RFX3: variants seen among roughly 807,000 people sequenced by gnomAD.
RFX3 encodes regulatory factor X3.
A neutral mutation model predicts 98.6 loss-of-function variants in RFX3; 14 were observed. That is an observed-to-expected ratio of 0.14 (90% CI 0.09 to 0.22). RFX3 has a LOEUF of 0.22. RFX3 is among the 10% of genes least tolerant of loss of function. RFX3 has a pLI of 1.00. For missense variants in RFX3, 639 were observed against 926.9 expected (o/e 0.69, Z 4.03); for synonymous variants, 383 against 328.4 (o/e 1.17, Z -1.80).
At chr9:3,505,102 T>G (rs1816798275) in intron 1 of RFX3, among the ~76,000 whole-genome samples, 1 of 97,518 alleles carries the variant, frequency 1.0e-5, no homozygotes, top group South Asian at 3.4e-4. Context: ...TATATTTAGA[T>G]TTATTTTATA....
chr9:3,299,422 C>T (rs1828379116), intron 5 of RFX3, among the ~76,000 whole-genome samples: 1 of 151,680 alleles, frequency 6.6e-6, no homozygotes, highest in Non-Finnish European at 1.5e-5. Context: ...CCTTTCTCCA[C>T]TGTTTATAAA....
At chr9:3,370,853 T>C (rs1837762314) in intron 2 of RFX3, among the ~76,000 whole-genome samples, 1 of 152,142 alleles carries the variant, frequency 6.6e-6, no homozygotes, top group Admixed American at 6.5e-5. Flanking sequence ...GTCTATGATG[T>C]GGGGTGTTTC....
At chr9:3,419,117 G>A (rs1163903075) in intron 1 of RFX3, among the ~76,000 whole-genome samples, 1 of 152,066 alleles carries the variant, frequency 6.6e-6, no homozygotes, top group African/African-American at 2.4e-5. Flanking sequence ...CAGCAGTATA[G>A]CACTGGAACA....
chr9:3,244,860 C>T (rs545785420), intron 15 of RFX3, among the ~76,000 whole-genome samples: 16 of 152,294 alleles, frequency 1.1e-4, no homozygotes, highest in African/African-American at 3.8e-4. Flanking sequence ...TCCTCGAAGG[C>T]TGGGTAAAAA....
chr9:3,311,306 T>G (rs1829931463), intron 4 of RFX3, among the ~76,000 whole-genome samples: 1 of 152,212 alleles, frequency 6.6e-6, no homozygotes, highest in Non-Finnish European at 1.5e-5. Context: ...GGTTTGCATC[T>G]TGAGATCAGG....
chr9:3,505,754 C>T (rs1053251385), intron 1 of RFX3, among the ~76,000 whole-genome samples: 1 of 149,770 alleles, frequency 6.7e-6, no homozygotes, highest in African/African-American at 2.5e-5. Context: ...CTTCTCCACC[C>T]CCATCATTTA....
intron 1 of RFX3, among the ~76,000 whole-genome samples, chr9:3,499,345 A>C (rs937288798): frequency 3.3e-5 from 5 of 151,962 alleles, no homozygotes; most frequent in African/African-American, 4.8e-5. Flanking sequence ...CCATTCCCCC[A>C]AAAAAATTAT....
At chr9:3,234,186 G>A (rs938217740) in intron 15 of RFX3, among the ~76,000 whole-genome samples, 1 of 151,652 alleles carries the variant, frequency 6.6e-6, no homozygotes, top group African/African-American at 2.4e-5. Flanking sequence ...TCTAGAAGAG[G>A]GGCTGGCACA....
At chr9:3,499,493 CTT>C (rs1478578696) in intron 1 of RFX3, among the ~76,000 whole-genome samples, 3 of 151,846 alleles carry the variant, frequency 2.0e-5, no homozygotes, top group South Asian at 2.1e-4. Flanking sequence ...AAGATTAACA[CTT>C]AATAAATTAT....
chr9:3,383,856 C>A (rs1055984734), intron 2 of RFX3, among the ~76,000 whole-genome samples: 2 of 152,086 alleles, frequency 1.3e-5, no homozygotes, highest in African/African-American at 4.8e-5. Context: ...AAACTTTCAA[C>A]ACACATTTTC....
intron 1 of RFX3, among the ~76,000 whole-genome samples, chr9:3,487,009 A>G (rs1254280871): frequency 6.6e-6 from 1 of 152,162 alleles, no homozygotes; most frequent in East Asian, 1.9e-4. Flanking sequence ...AAATGCTATC[A>G]TAACCTAGAA....
At chr9:3,257,410 G>A (rs750106662) in intron 13 of RFX3, among the ~76,000 whole-genome samples, 1 of 152,056 alleles carries the variant, frequency 6.6e-6, no homozygotes. Flanking sequence ...TGCTCACTCT[G>A]GTACACAGAA....
chr9:3,317,792 A>G (rs1587024869), intron 4 of RFX3, among the ~76,000 whole-genome samples: 1 of 152,264 alleles, frequency 6.6e-6, no homozygotes, highest in South Asian at 2.1e-4. Flanking sequence ...ACTGGCCATC[A>G]GAGAAATGCA....
intron 1 of RFX3, among the ~76,000 whole-genome samples, chr9:3,501,130 C>A (rs576809770): frequency 4.6e-5 from 7 of 152,262 alleles, no homozygotes; most frequent in African/African-American, 1.7e-4. Flanking sequence ...CATATTCCAC[C>A]ATGCAATTAG....
chr9:3,299,619 G>T (rs190228728), intron 5 of RFX3, among the ~76,000 whole-genome samples: 162 of 151,426 alleles, frequency 1.1e-3, no homozygotes, highest in Non-Finnish European at 1.9e-3. Flanking sequence ...TTAGCAGTAT[G>T]GAAGATCAGA....
intron 4 of RFX3, among the ~76,000 whole-genome samples, chr9:3,317,226 C>G (rs979348252): frequency 1.3e-5 from 2 of 152,112 alleles, no homozygotes; most frequent in Non-Finnish European, 2.9e-5. Flanking sequence ...ACATCTATAA[C>G]CATCTGATCT....
intron 5 of RFX3, among the ~76,000 whole-genome samples, chr9:3,294,463 G>C (rs1012371544): frequency 1.3e-5 from 2 of 152,094 alleles, no homozygotes; most frequent in African/African-American, 2.4e-5. Context: ...ATGCAAAAAT[G>C]AATGTGATCT....
chr9:3,308,720 G>C (rs1829617525), intron 4 of RFX3, among the ~76,000 whole-genome samples: 1 of 152,140 alleles, frequency 6.6e-6, no homozygotes, highest in African/African-American at 2.4e-5. Flanking sequence ...CCTATTCAGA[G>C]TAAATTAGAT....
chr9:3,466,006 A>C (rs1848177994), intron 1 of RFX3, among the ~76,000 whole-genome samples: 1 of 152,202 alleles, frequency 6.6e-6, no homozygotes, highest in African/African-American at 2.4e-5. Context: ...TTGGAAAATA[A>C]GAGAGAAATA....
Sources: allele counts gnomAD v4.1 joint callset (sites outside exome capture counted in the v4.1 genomes callset), GRCh38; gene constraint gnomAD v4.1.1; transcripts MANE v1.5; gene names NCBI Gene and HGNC (gene_info 2026-07-23, HGNC 2026-07-21).